The following CHMP1A variants were observed in gnomAD, a reference collection of about 807,000 sequenced individuals.
The protein encoded by CHMP1A is charged multivesicular body protein 1A.
CHMP1A carries 17 observed loss-of-function variants against 27.0 expected under a neutral mutation model. The ratio of observed to expected loss-of-function variants is 0.63; its 90% CI spans 0.43 to 0.95. The LOEUF is 0.95. CHMP1A is among the 40% of genes least tolerant of loss of function. The pLI, the probability that CHMP1A is intolerant of heterozygous loss-of-function variation, is 0.00. For synonymous variants in CHMP1A, 131 were observed against 107.5 expected, an observed-to-expected ratio of 1.22 and a Z score of -1.35; for missense variants, 275 against 264.0, an observed-to-expected ratio of 1.04 and a Z score of -0.29.
chr16:89,646,930 G>T, intron 5 of CHMP1A: 2 of 770,154 alleles, frequency 2.6e-6, no homozygotes, highest in Non-Finnish European at 3.9e-6. Flanking sequence ...GCCTGCTGCC[G>T]CGGGTGGACA....
intron 1 of CHMP1A, among the ~76,000 whole-genome samples, chr16:89,656,415 G>T (rs1026692439): frequency 6.6e-6 from 1 of 151,352 alleles, no homozygotes; most frequent in Non-Finnish European, 1.5e-5. Flanking sequence ...GGGATTACAG[G>T]CGTGAGCCAC....
At position 89,649,509 on chromosome 16, in the gene CHMP1A, G is replaced by T. The variant is rs200269195; in HGVS notation, c.106-12C>A. ...TTCTGCAGAAGGGCCTGAAACCCGC[G>T]GGGGAAAGCAGCTGGAAGAGCTTGG... is the stretch of plus-strand genomic sequence containing the variant. On this transcript the variant is annotated splice_polypyrimidine_tract_variant and intron_variant, in intron 3 of 6. Coordinates refer to ENST00000397901, the MANE Select transcript of CHMP1A (RefSeq NM_002768.5). 2 of 1,613,362 alleles carry T rather than the reference G, an allele frequency of 1.2e-6. No individual in the cohort carries two copies. Among genetic ancestry groups the T allele is most frequent in the East Asian group, 2.2e-5 (1 of 44,866 alleles).
chr16:89,653,849 A>C, intron 2 of CHMP1A, 55 bp downstream of exon 2: 1 of 1,579,928 alleles, frequency 6.3e-7, no homozygotes, highest in Non-Finnish European at 8.7e-7. Context: ...AGCGTGGCTT[A>C]TACTATCTGT....
At chr16:89,646,746 TGGG>T in intron 5 of CHMP1A, 32 bp from the exon 6 acceptor site, 1 of 1,597,540 alleles carries the variant, frequency 6.3e-7, no homozygotes, top group Non-Finnish European at 8.5e-7. Context: ...GGACAACAGG[TGGG>T]GCCAGGCCCA....
chr16:89,646,124 G>C, intron 6 of CHMP1A, 37 bp from the exon 7 acceptor site: 5 of 1,514,524 alleles, frequency 3.3e-6, no homozygotes, highest in Non-Finnish European at 3.5e-6. Flanking sequence ...CAGGGCAGGG[G>C]AAGGGGGCCT....
Position 89,647,012 on chromosome 16 carries a change from C to T in CHMP1A, c.381+191G>A. On this transcript the variant is annotated intron_variant, in intron 5 of 6. Coordinates refer to ENST00000397901, the MANE Select transcript of CHMP1A (RefSeq NM_002768.5). ...AAGGAGCCAGGTGCCTGCAGGAGGC[C>T]CCCGCCGCCCTGCCCACCCTACCTG... 5 of 1,506,726 alleles carry T rather than the reference C, an allele frequency of 3.3e-6. No homozygotes were observed. The African/African-American group carries it at 6.9e-5, about 21-fold the overall frequency. 93.3% of individuals were successfully genotyped at this position (1,506,726 alleles called of 1,614,324 possible).
At chr16:89,651,942 G>C (rs1164262063) in intron 2 of CHMP1A, among the ~76,000 whole-genome samples, 1 of 152,232 alleles carries the variant, frequency 6.6e-6, no homozygotes, top group Admixed American at 6.5e-5. Flanking sequence ...GCCTCCTCCA[G>C]AGCGGAAGGG....
chr16:89,657,489 T>A, intron 1 of CHMP1A, 93 bp downstream of exon 1: 1 of 1,506,884 alleles, frequency 6.6e-7, no homozygotes, highest in Non-Finnish European at 9.0e-7. Flanking sequence ...TCCTGAGTCC[T>A]GCCCGCGGCC....
intron 1 of CHMP1A, among the ~76,000 whole-genome samples, chr16:89,654,409 G>A (rs908912703): frequency 3.3e-5 from 5 of 152,120 alleles, no homozygotes; most frequent in Admixed American, 1.3e-4. Context: ...GCCAGCCTGG[G>A]CCAATTTAAA....
intron 1 of CHMP1A, among the ~76,000 whole-genome samples, 153 bp downstream of exon 1, chr16:89,657,429 G>A (rs2059892962): frequency 6.6e-6 from 1 of 151,280 alleles, no homozygotes; most frequent in African/African-American, 2.4e-5. Flanking sequence ...GTCGGTGGTC[G>A]AGGCCCTGGG....
intron 5 of CHMP1A, 41 bp from the exon 6 acceptor site, chr16:89,646,755 G>C (rs539320425): frequency 1.3e-6 from 2 of 1,584,026 alleles, no homozygotes; most frequent in East Asian, 2.3e-5. Flanking sequence ...GTGGGGCCAG[G>C]CCCATGGGGC....
chr16:89,657,042 T>C (rs1475155055), intron 1 of CHMP1A, among the ~76,000 whole-genome samples: 1 of 122,124 alleles, frequency 8.2e-6, no homozygotes, highest in Non-Finnish European at 1.7e-5. Flanking sequence ...GGGGAAGGGG[T>C]CCCGAATCGG....
At chr16:89,656,405 G>C (rs536167317) in intron 1 of CHMP1A, among the ~76,000 whole-genome samples, 1 of 152,286 alleles carries the variant, frequency 6.6e-6, no homozygotes, top group East Asian at 1.9e-4. Flanking sequence ...CCAAAGTGCT[G>C]GGATTACAGG....
chr16:89,654,535 C>T (rs547145932), intron 1 of CHMP1A, among the ~76,000 whole-genome samples: 2 of 150,674 alleles, frequency 1.3e-5, no homozygotes, highest in African/African-American at 5.0e-5. Flanking sequence ...GCGGTACAGT[C>T]GCTCACGCCT....
intron 1 of CHMP1A, 134 bp downstream of exon 1, chr16:89,657,448 C>T (rs1159026237): frequency 9.0e-7 from 1 of 1,116,098 alleles, no homozygotes. Context: ...GGGATGGGGT[C>T]CCGGGGGATC....
intron 5 of CHMP1A, chr16:89,646,924 G>A: frequency 2.6e-6 from 2 of 777,398 alleles, no homozygotes; most frequent in Non-Finnish European, 3.9e-6. Context: ...TGCCATGCCT[G>A]CTGCCGCGGG....
At chr16:89,650,284 T>C (rs2059813794) in intron 3 of CHMP1A, among the ~76,000 whole-genome samples, 1 of 152,100 alleles carries the variant, frequency 6.6e-6, no homozygotes, top group Non-Finnish European at 1.5e-5. Flanking sequence ...GCTCAAGCAA[T>C]TCTCCCGCCT....
rs751816289 is a variant in CHMP1A at position 89,657,623 on chromosome 16, G to A, written c.-35C>T. On this transcript the variant is annotated 5_prime_UTR_variant, in exon 1 of 7. Coordinates refer to ENST00000397901, the MANE Select transcript of CHMP1A (RefSeq NM_002768.5). ...GACAGGAGCAGCACTCGGAGAGGGA[G>A]AAGGGACGCCAACTCCGGGCGGTGT... 6 of 1,609,816 alleles carry A rather than the reference G, an allele frequency of 3.7e-6. No individual in the cohort carries two copies. Among genetic ancestry groups the A allele is most frequent in the Admixed American group, 3.3e-5 (2 of 59,886 alleles).
chr16:89,652,706 T>G (rs1209988240), intron 2 of CHMP1A, among the ~76,000 whole-genome samples: 1 of 152,224 alleles, frequency 6.6e-6, no homozygotes, highest in African/African-American at 2.4e-5. Flanking sequence ...GTCCCCTCTG[T>G]GCCCAACAGC....
Sources: allele counts gnomAD v4.1 joint callset (sites outside exome capture counted in the v4.1 genomes callset), GRCh38; gene constraint gnomAD v4.1.1; transcripts MANE v1.5; gene names NCBI Gene and HGNC (gene_info 2026-07-23, HGNC 2026-07-21).